RYR1: variants seen among roughly 807,000 people sequenced by gnomAD.
The protein encoded by RYR1 is central core disease of muscle.
A neutral mutation model predicts 583.5 loss-of-function variants in RYR1; 342 were observed. The ratio of observed to expected loss-of-function variants is 0.59; its 90% CI spans 0.54 to 0.64. The LOEUF is 0.64. Among genes scored for constraint, RYR1 ranks in the 30% least tolerant of loss-of-function variants. The pLI, the probability that RYR1 is intolerant of heterozygous loss-of-function variation, is 0.00. For missense variants in RYR1, 6,032 were observed against 6,917.2 expected, an observed-to-expected ratio of 0.87 and a Z score of 4.54; for synonymous variants, 2,791 against 2,822.5, an observed-to-expected ratio of 0.99 and a Z score of 0.35.
At chr19:38,515,680 T>C (rs568210066) in intron 64 of RYR1, among the ~76,000 whole-genome samples, 3 of 152,038 alleles carry the variant, frequency 2.0e-5, no homozygotes, top group Non-Finnish European at 4.4e-5. Context: ...GTAGTGGCGC[T>C]GGTGCCTGTA....
In RYR1 at chr19:38,515,297, G is replaced by T. The variant is rs2915942; in HGVS notation, c.9554+190G>T. Among the ~76,000 whole-genome samples, 18,745 of 152,162 alleles carry T rather than the reference G, an allele frequency of 0.12. 1,317 individuals are homozygous for T. The highest frequency in any genetic ancestry group is 0.28 in the South Asian group (1,354 of 4,806). The stretch of plus-strand genomic sequence containing the variant: ...ACAGGTCAGCCACGGAGGTAGAGCC[G>T]CCAGGTCTGGGGCTGTGAAGCAGGC... On this transcript the variant is annotated intron_variant, in intron 64 of 105. Coordinates refer to ENST00000359596, the MANE Select transcript of RYR1 (RefSeq NM_000540.3).
chr19:38,578,234 A>C lies in RYR1; in HGVS notation c.14364+30A>C. On this transcript the variant is annotated intron_variant, in intron 99 of 105. Transcript: ENST00000359596. ...GCAGGGGCCCACAGACTGGGGAGGG[A>C]CTCTGCAGGGGTGGGGCGTTAGGAG... is the stretch of plus-strand genomic sequence containing the variant. 1.9e-6 allele frequency: 3 copies of C among 1,609,352 alleles called. No individual in the cohort carries two copies. In the South Asian group the frequency reaches 3.3e-5, roughly 18 times the overall value.
At chr19:38,523,377 T>C in intron 69 of RYR1, 68 bp downstream of exon 69, 1 of 1,590,808 alleles carries the variant, frequency 6.3e-7, no homozygotes, top group Non-Finnish European at 8.6e-7. Flanking sequence ...ACTTCCTACC[T>C]GGCCTGTCCT....
At chr19:38,580,615 G>C in intron 101 of RYR1, 111 bp downstream of exon 101, 2 of 1,373,140 alleles carry the variant, frequency 1.5e-6, no homozygotes, top group Non-Finnish European at 2.0e-6. Context: ...ATCCCAGTGC[G>C]TCGGGAGGCC....
chr19:38,548,082 G>A (rs764901715), intron 88 of RYR1, 151 bp from the exon 89 acceptor site: 8 of 800,394 alleles, frequency 1.0e-5, no homozygotes, highest in Admixed American at 4.1e-5. Context: ...GGAGGCTGAC[G>A]CAGGTCAGGA....
rs1264980241 is a variant in RYR1, at chr19:38,496,644, C to CT, written c.6796+103_6796+104insT. ...CAGCTCACTCATTCAACAAACACTC[C>CT]CTCTCAACTGTGGTTCTGGCCCTGT... On this transcript the variant is annotated intron_variant, in intron 41 of 105. Coordinates refer to ENST00000359596, the MANE Select transcript of RYR1 (RefSeq NM_000540.3). The surrounding 1 kb of genome is among the most constrained non-coding windows in gnomAD (Gnocchi z 4.8). The CT allele has an allele frequency of 7.1e-5, 102 of 1,429,512 alleles. 1 individual carries two copies. The Middle Eastern group carries it at 2.3e-3, about 32-fold the overall frequency. The allele number at this position is 1,429,512 out of a possible 1,614,324, so 88.6% of individuals were successfully genotyped here. A position where few individuals can be genotyped will look rare whatever the true frequency, so the allele number is the denominator to read the frequency against.
chr19:38,522,589 A>T (rs1399449543), intron 67 of RYR1, among the ~76,000 whole-genome samples: 2 of 151,940 alleles, frequency 1.3e-5, no homozygotes, highest in African/African-American at 4.8e-5. Flanking sequence ...CTCCAGCCTG[A>T]CAGATTGAGA....
rs759835920 is a variant in RYR1, at chr19:38,528,409, A to G, written c.10928A>G (p.Asn3643Ser). Residue 3643 changes from asparagine (N) to serine (S), a missense_variant, in exon 74 of 106, where the codon AAC (asparagine) becomes AGC (serine). Asn to Ser is a conservative substitution (Grantham distance 46, BLOSUM62 1). Coordinates refer to ENST00000359596, the MANE Select transcript of RYR1 (RefSeq NM_000540.3). ...TGTTTCCGTATGACGCCCCTGTACA[A>G]CCTGCCCACGTAAGGCCCCCAGGGA... ...VACFRMTPLY[N>S]LPTHRACNMF... is the part of the protein sequence containing the mutation. The G allele has an allele frequency of 1.2e-6, 2 of 1,614,026 alleles. No homozygotes were observed. The highest frequency in any genetic ancestry group is 3.3e-5 in the Admixed American group (2 of 60,000).
At chr19:38,577,314 A>G (rs1974002904) in intron 97 of RYR1, among the ~76,000 whole-genome samples, 1 of 152,184 alleles carries the variant, frequency 6.6e-6, no homozygotes, top group Non-Finnish European at 1.5e-5. Flanking sequence ...GGCATATAGG[A>G]GAACACTAGA....
At chr19:38,545,958 C>T (rs1050489256) in intron 87 of RYR1, among the ~76,000 whole-genome samples, 3 of 152,178 alleles carry the variant, frequency 2.0e-5, no homozygotes, top group African/African-American at 4.8e-5. Context: ...CTATGTTCCC[C>T]GCAGACGGCT....
intron 94 of RYR1, 26 bp from the exon 95 acceptor site, chr19:38,571,993 C>T (rs774523905): frequency 5.6e-6 from 9 of 1,613,568 alleles, no homozygotes; most frequent in Non-Finnish European, 7.6e-6. Flanking sequence ...GGCAGACCCA[C>T]AGATGAATCT....
rs753757687 is a variant in RYR1 at position 38,543,408 on chromosome 19, C to T, written c.11751C>T (p.Cys3917=). 9.3e-6 allele frequency: 15 copies of T among 1,614,130 alleles called. No homozygotes were observed. The highest frequency in any genetic ancestry group is 1.0e-5 in the Non-Finnish European group (12 of 1,180,054). ...CGACCACTATTAACATCATCATTTGCACTGTGGACTACCTCCTGCGGCTGC... is the reference window on the plus strand; with the variant it reads ...CGACCACTATTAACATCATCATTTGTACTGTGGACTACCTCCTGCGGCTGC... ...GNTTTINIII[C]TVDYLLRLQE... Residue 3917 remains cysteine (C), a synonymous_variant, in exon 85 of 106, where the codon TGC becomes TGT. Coordinates refer to ENST00000359596, the MANE Select transcript of RYR1 (RefSeq NM_000540.3). The surrounding 1 kb of genome is among the most constrained non-coding windows in gnomAD (Gnocchi z 4.4).
chr19:38,467,579 C>T (rs1472460012), intron 24 of RYR1, 31 bp from the exon 25 acceptor site: 1 of 1,611,576 alleles, frequency 6.2e-7, no homozygotes, highest in South Asian at 1.1e-5. Context: ...TCTTCCCTAG[C>T]CTCTCTGACT....
At position 38,496,784 on chromosome 19, in the gene RYR1, G is replaced by C; in HGVS notation, c.6797-76G>C. Reference sequence around the variant, plus strand: ...GGCACCTGATCCAGGCTGGAAAAAGGGTGGTCAGGGAGGGCTTCCCAGAGG... The same window carrying C: ...GGCACCTGATCCAGGCTGGAAAAAGCGTGGTCAGGGAGGGCTTCCCAGAGG... On this transcript the variant is annotated intron_variant, in intron 41 of 105. Transcript: ENST00000359596. The surrounding 1 kb of genome is among the most constrained non-coding windows in gnomAD (Gnocchi z 4.8). 1 of 1,399,192 alleles carries C rather than the reference G, an allele frequency of 7.1e-7. No individual in the cohort carries two copies. Among genetic ancestry groups the C allele is most frequent in the Middle Eastern group, 1.8e-4 (1 of 5,656 alleles). The allele number at this position is 1,399,192 out of a possible 1,614,324, so 86.7% of individuals were successfully genotyped here.
At chr19:38,504,960 G>A in intron 51 of RYR1, 43 bp from the exon 52 acceptor site, 1 of 1,613,558 alleles carries the variant, frequency 6.2e-7, no homozygotes, top group African/African-American at 1.3e-5. Context: ...AGGGGTGGAG[G>A]GAACCCCAGC....
At position 38,586,553 on chromosome 19, in the gene RYR1, G is replaced by A. The variant is rs1974498148; in HGVS notation, c.14998G>A (p.Asp5000Asn). ...TTTCCTGATGTATTTGATAAACAAG[G>A]ATGAGACAGAACACACGGGTCAGGT... ...MFFLMYLINK[D>N]ETEHTGQESY... The change falls in exon 105 of 106, where the codon GAT becomes AAT. Residue 5000 changes from aspartate to asparagine, a missense_variant. Asp to Asn is a conservative substitution (Grantham distance 23, BLOSUM62 1). This residue lies in a region of RYR1 where 189 missense variants were observed against 350.3 expected (regional missense o/e 0.54). Transcript: ENST00000359596. 1 of 1,614,162 alleles carries A rather than the reference G, an allele frequency of 6.2e-7. No homozygotes were observed. Among genetic ancestry groups the A allele is most frequent in the African/African-American group, 1.3e-5 (1 of 75,048 alleles).
At chr19:38,451,642 C>T in intron 11 of RYR1, 122 bp from the exon 12 acceptor site, 1 of 1,131,464 alleles carries the variant, frequency 8.8e-7, no homozygotes, top group Non-Finnish European at 1.3e-6. Context: ...GAGGAATTTG[C>T]AGTGAGATTC....
chr19:38,535,072 G>C (rs1971907654), intron 79 of RYR1, 69 bp from the exon 80 acceptor site: 2 of 1,520,886 alleles, frequency 1.3e-6, no homozygotes, highest in African/African-American at 1.4e-5. Context: ...TGGGATGGCT[G>C]TTTTCTGGTG....
intron 29 of RYR1, among the ~76,000 whole-genome samples, chr19:38,476,233 C>T (rs1425135028): frequency 6.6e-6 from 1 of 152,068 alleles, no homozygotes; most frequent in Non-Finnish European, 1.5e-5. Flanking sequence ...GAGTCTCAGC[C>T]TGTCGCCCAG....
Sources: gnomAD v4.1 joint callset for allele counts (sites outside exome capture counted in the v4.1 genomes callset) on GRCh38, gnomAD v4.1.1 for gene constraint, gnomAD v4.1.1 regional missense constraint, Gnocchi (gnomAD v3.1) non-coding constraint, MANE v1.5 for transcripts, NCBI Gene and HGNC (gene_info 2026-07-23, HGNC 2026-07-21) for gene names.